Variants in MTNR1B observed in about 807,000 individuals in gnomAD.
The protein encoded by MTNR1B is melatonin receptor 1B.
MTNR1B carries 7 observed loss-of-function variants against 7.0 expected under a neutral mutation model. That is an observed-to-expected ratio of 1.00 (90% confidence interval 0.57 to 1.88). MTNR1B has a LOEUF of 1.88. MTNR1B is among the 40% of genes most tolerant of loss of function. MTNR1B has a pLI of 0.00. For synonymous variants in MTNR1B, 226 were observed against 208.2 expected (o/e 1.09, Z -0.74); for missense variants, 478 against 486.5 (o/e 0.98, Z 0.16).
intron 1 of MTNR1B, among the ~76,000 whole-genome samples, chr11:92,971,977 C>T (rs1241499458): frequency 1.3e-5 from 2 of 152,202 alleles, no homozygotes; most frequent in Admixed American, 1.3e-4. Flanking sequence ...ATTCCTGCCA[C>T]TGCTGCAGTC....
chr11:92,978,196 A>G (rs1198274629), intron 1 of MTNR1B, among the ~76,000 whole-genome samples: 1 of 152,218 alleles, frequency 6.6e-6, no homozygotes, highest in Non-Finnish European at 1.5e-5. Context: ...GAATTCTCCT[A>G]TCTGACGAAT....
chr11:92,974,302 C>G (rs1857977643), intron 1 of MTNR1B, among the ~76,000 whole-genome samples: 1 of 152,192 alleles, frequency 6.6e-6, no homozygotes, highest in Non-Finnish European at 1.5e-5. Flanking sequence ...AGAGAAACTC[C>G]CCTGCACAAG....
In MTNR1B at chr11:92,969,864, C is replaced by G; in HGVS notation, c.139C>G (p.Leu47Val). 1 of 1,611,588 alleles carries G rather than the reference C, an allele frequency of 6.2e-7. No individual in the cohort carries two copies. Among genetic ancestry groups the G allele is most frequent in the Non-Finnish European group, 8.5e-7 (1 of 1,179,492 alleles). The change falls in exon 1 of 2, where the codon CTC (leucine) becomes GTC (valine). Residue 47 changes from leucine to valine, a missense_variant. Leu to Val is a conservative substitution (Grantham distance 32). Transcript: ENST00000257068. Reference protein sequence around the residue: ...PWVAPALSAVLIVTTAVDVVG... With the variant: ...PWVAPALSAVVIVTTAVDVVG... ...GGTGGCTCCAGCGCTGTCCGCGGTG[C>G]TCATCGTCACCACCGCCGTGGACGT... is the stretch of plus-strand genomic sequence containing the variant.
At chr11:92,983,784 T>C (rs1332624305), downstream of MTNR1B, among the ~76,000 whole-genome samples, 3 of 152,224 alleles carry the variant, frequency 2.0e-5, no homozygotes, top group Non-Finnish European at 4.4e-5. Context: ...CACAGTCTGT[T>C]GATAAATTAG....
At position 92,981,955 on chromosome 11, in the gene MTNR1B, C is replaced by T. The variant is rs751479797; in HGVS notation, c.732C>T (p.Pro244=). Residue 244 remains proline (P), a synonymous_variant, in exon 2 of 2, where the codon CCC becomes CCT. Transcript: ENST00000257068. ...AKPESRLCLK[P]SDLRSFLTMF... is the part of the protein sequence containing the mutation. Reference sequence around the variant, plus strand: ...CAGAGAGCAGGCTGTGCCTGAAGCCCAGCGACTTGCGGAGCTTTCTAACCA... The same window carrying T: ...CAGAGAGCAGGCTGTGCCTGAAGCCTAGCGACTTGCGGAGCTTTCTAACCA... 1.9e-6 allele frequency: 3 copies of T among 1,614,200 alleles called. No individual in the cohort carries two copies. Among genetic ancestry groups the T allele is most frequent in the Non-Finnish European group, 2.5e-6 (3 of 1,180,040 alleles).
chr11:92,983,057 T>C (rs1858145227), downstream of MTNR1B, among the ~76,000 whole-genome samples: 2 of 150,916 alleles, frequency 1.3e-5, no homozygotes, highest in South Asian at 2.1e-4. Flanking sequence ...GAAAGTCTCC[T>C]AACCTCCCTG....
chr11:92,980,514 T>C (rs1368974035), intron 1 of MTNR1B, among the ~76,000 whole-genome samples: 1 of 152,160 alleles, frequency 6.6e-6, no homozygotes, highest in Non-Finnish European at 1.5e-5. Flanking sequence ...TCTTTTAGAG[T>C]AAGCCCTGCC....
chr11:92,971,592 G>T (rs12287402), intron 1 of MTNR1B, among the ~76,000 whole-genome samples: 1,597 of 152,252 alleles, frequency 0.01, 38 homozygotes, highest in African/African-American at 0.036. Flanking sequence ...GGTCCTCCTG[G>T]TTCTGACATT....
At chr11:92,979,340 T>C (rs1372922694) in intron 1 of MTNR1B, among the ~76,000 whole-genome samples, 1 of 151,716 alleles carries the variant, frequency 6.6e-6, no homozygotes, top group Non-Finnish European at 1.5e-5. Context: ...GAGTCAGAGA[T>C]GGAGATCCAG....
intron 1 of MTNR1B, chr11:92,972,554 G>T: frequency 2.2e-6 from 1 of 456,124 alleles, no homozygotes; most frequent in South Asian, 1.5e-5. Flanking sequence ...TGGAGGCAAG[G>T]TGGGAGGTAG....
chr11:92,981,649 C>A lies in MTNR1B; in HGVS notation c.426C>A (p.Ile142=), dbSNP rs765857772. 6.2e-7 allele frequency: 1 copy of A among 1,614,066 alleles called. No individual in the cohort carries two copies. Among genetic ancestry groups the A allele is most frequent in the Non-Finnish European group, 8.5e-7 (1 of 1,180,044 alleles). The change falls in exon 2 of 2, where the codon ATC becomes ATA. Residue 142 remains isoleucine (I), a synonymous_variant. Transcript: ENST00000257068. The part of the protein sequence containing the change: ...TAIAINRYCY[I]CHSMAYHRIY... ...TCGCCATTAACCGCTACTGCTACAT[C>A]TGCCACAGCATGGCCTACCACCGAA...
rs188825896 is a variant in MTNR1B, at chr11:92,981,846, A to C, written c.623A>C (p.His208Pro). The C allele has an allele frequency of 6.2e-7, 1 of 1,614,044 alleles. No homozygotes were observed. Among genetic ancestry groups the C allele is most frequent in the Middle Eastern group, 1.6e-4 (1 of 6,062 alleles). ...TACACGGCGGCAGTGGTGGTCATCC[A>C]CTTCCTCCTCCCTATCGCTGTCGTG... ...TQYTAAVVVI[H>P]FLLPIAVVSF... The change falls in exon 2 of 2, where the codon CAC becomes CCC. Residue 208 changes from histidine (H) to proline (P), a missense_variant. By Grantham distance (77) the His-to-Pro change is moderately conservative. Coordinates refer to ENST00000257068, the MANE Select transcript of MTNR1B (RefSeq NM_005959.5).
rs74910652 is a variant in MTNR1B, at chr11:92,974,417, A to G, written c.223+4469A>G. Among the ~76,000 whole-genome samples the G allele has an allele frequency of 2.7e-3, 406 of 152,326 alleles. 2 individuals are homozygous for G. Among genetic ancestry groups the G allele is most frequent in the African/African-American group, 8.1e-3 (335 of 41,586 alleles). On this transcript the variant is annotated intron_variant, in intron 1 of 1. Transcript: ENST00000257068. ...CCAGCCATGTAGAACTGTAAGCCCA[A>G]TGAAACCTTTCTTTTGTAAGTTGTA... is the stretch of plus-strand genomic sequence containing the variant.
chr11:92,972,426 G>A (rs940617469), intron 1 of MTNR1B: 4 of 456,088 alleles, frequency 8.8e-6, no homozygotes, highest in Non-Finnish European at 1.8e-5. Context: ...TGATGGCAGG[G>A]TGAGTGGTTA....
intron 1 of MTNR1B, among the ~76,000 whole-genome samples, chr11:92,978,932 C>G (rs1290820302): frequency 6.6e-6 from 1 of 152,178 alleles, no homozygotes. Context: ...TTTCTCTGCT[C>G]AGCTTGCAAG....
At chr11:92,981,207 T>C (rs769177101) in intron 1 of MTNR1B, among the ~76,000 whole-genome samples, 2 of 152,146 alleles carry the variant, frequency 1.3e-5, no homozygotes, top group Non-Finnish European at 2.9e-5. Context: ...TACTATGAGG[T>C]AGGTATCACT....
chr11:92,975,118 G>A (rs190368150), intron 1 of MTNR1B, among the ~76,000 whole-genome samples: 21 of 152,216 alleles, frequency 1.4e-4, no homozygotes, highest in Non-Finnish European at 1.6e-4. Context: ...CCACTTTTAA[G>A]CTGCCTGTAA....
At chr11:92,970,135 G>C (rs1225546358) in intron 1 of MTNR1B, among the ~76,000 whole-genome samples, 187 bp downstream of exon 1, 1 of 152,190 alleles carries the variant, frequency 6.6e-6, no homozygotes, top group Non-Finnish European at 1.5e-5. Context: ...CCCCTCCGAA[G>C]TGCGGCTGCC....
At chr11:92,977,942 G>A (rs1858036410) in intron 1 of MTNR1B, among the ~76,000 whole-genome samples, 1 of 152,108 alleles carries the variant, frequency 6.6e-6, no homozygotes, top group African/African-American at 2.4e-5. Flanking sequence ...TTGTTTAATG[G>A]TCTTCCCTAA....
Sources: allele counts gnomAD v4.1 joint callset (sites outside exome capture counted in the v4.1 genomes callset), GRCh38; gene constraint gnomAD v4.1.1; transcripts MANE v1.5; gene names NCBI Gene and HGNC (gene_info 2026-07-23, HGNC 2026-07-21).